Variants in PCOLCE2 observed in about 807,000 individuals in gnomAD.
The protein encoded by PCOLCE2 is procollagen C-endopeptidase enhancer 2.
PCOLCE2 carries 42 observed loss-of-function variants against 47.0 expected under a neutral mutation model. That is an observed-to-expected ratio of 0.89 (90% CI 0.70 to 1.16). The LOEUF is 1.16. PCOLCE2 is among the 50% of genes most tolerant of loss of function. PCOLCE2 has a pLI of 0.00. For synonymous variants in PCOLCE2, 169 were observed against 191.7 expected (o/e 0.88, Z 0.98); for missense variants, 500 against 526.1 (o/e 0.95, Z 0.49).
chr3:142,832,821 C>G (rs931068286), intron 5 of PCOLCE2, among the ~76,000 whole-genome samples: 12 of 152,198 alleles, frequency 7.9e-5, no homozygotes, highest in Non-Finnish European at 1.5e-4. Context: ...CCCAGTGCTC[C>G]TCCTGTTCAT....
chr3:142,846,567 T>C (rs761423743), intron 3 of PCOLCE2: 1 of 152,240 alleles, frequency 6.6e-6, no homozygotes, highest in Non-Finnish European at 1.5e-5. Flanking sequence ...TATCTTTAAA[T>C]ATTTTTTCAC....
chr3:142,872,432 CTCCTGCTTGT>C (rs1448870864), intron 2 of PCOLCE2, among the ~76,000 whole-genome samples: 18 of 152,146 alleles, frequency 1.2e-4, no homozygotes, highest in South Asian at 4.1e-4. Flanking sequence ...CTTCTACAAC[CTCCTGCTTGT>C]TCATCCCATA....
At chr3:142,834,375 C>T (rs1040223721) in intron 5 of PCOLCE2, among the ~76,000 whole-genome samples, 2 of 152,124 alleles carry the variant, frequency 1.3e-5, no homozygotes, top group Admixed American at 6.5e-5. Flanking sequence ...ATTGAGTCTT[C>T]CTATTCATGA....
At chr3:142,849,025 C>T (rs1001671698) in intron 2 of PCOLCE2, among the ~76,000 whole-genome samples, 1 of 151,796 alleles carries the variant, frequency 6.6e-6, no homozygotes, top group Non-Finnish European at 1.5e-5. Flanking sequence ...TGGTGGGGGG[C>T]GCCTGTAGTC....
chr3:142,869,557 T>TA (rs970734560), intron 2 of PCOLCE2, among the ~76,000 whole-genome samples: 1 of 152,120 alleles, frequency 6.6e-6, no homozygotes, highest in African/African-American at 2.4e-5. Context: ...TGAAATCTGA[T>TA]AAAAAACACA....
At chr3:142,865,336 T>C (rs894824946) in intron 2 of PCOLCE2, among the ~76,000 whole-genome samples, 2 of 152,156 alleles carry the variant, frequency 1.3e-5, no homozygotes, top group African/African-American at 4.8e-5. Flanking sequence ...TTTTAAATTG[T>C]CAACCCTAAA....
At chr3:142,873,719 A>C (rs909628137) in intron 2 of PCOLCE2, among the ~76,000 whole-genome samples, 5 of 152,146 alleles carry the variant, frequency 3.3e-5, no homozygotes, top group Non-Finnish European at 5.9e-5. Flanking sequence ...ATAAACCCAA[A>C]CAGCCTGCTG....
chr3:142,849,270 T>C (rs1158163087), intron 2 of PCOLCE2, among the ~76,000 whole-genome samples: 1 of 152,186 alleles, frequency 6.6e-6, no homozygotes, highest in African/African-American at 2.4e-5. Flanking sequence ...GTAGTTAATT[T>C]ACAGATAATT....
At chr3:142,835,226 T>C (rs1248432918) in intron 5 of PCOLCE2, among the ~76,000 whole-genome samples, 6 of 152,124 alleles carry the variant, frequency 3.9e-5, no homozygotes, top group Admixed American at 3.9e-4. Context: ...CTGCCTTTCT[T>C]AATTTTTTAA....
At chr3:142,827,710 A>C in intron 6 of PCOLCE2, 1 of 993,138 alleles carries the variant, frequency 1.0e-6, no homozygotes, top group Non-Finnish European at 1.6e-6. Context: ...GCGCGCTGTG[A>C]CCCGAGTTGT....
chr3:142,843,623 A>G (rs925401850), intron 3 of PCOLCE2, among the ~76,000 whole-genome samples: 7 of 152,168 alleles, frequency 4.6e-5, no homozygotes, highest in Non-Finnish European at 1.0e-4. Flanking sequence ...AGTTTTAGCC[A>G]CCAAAAACTC....
chr3:142,833,660 T>C lies in PCOLCE2; in HGVS notation c.711-3814A>G, dbSNP rs147588146. Among the ~76,000 whole-genome samples the C allele has an allele frequency of 1.3e-4, 20 of 152,304 alleles. No homozygotes were observed. In the East Asian group the frequency reaches 3.9e-3, roughly 29 times the overall value. On this transcript the variant is annotated intron_variant, in intron 5 of 8. Transcript: ENST00000295992. ...ATTGCTGAGAACATTCTTGTATATG[T>C]CTTGCAGTGCAAAAGTGGTCGTACC...
intron 2 of PCOLCE2, chr3:142,864,581 T>C (rs776820163): frequency 1.3e-5 from 2 of 152,270 alleles, no homozygotes; most frequent in Non-Finnish European, 2.9e-5. Context: ...AGAAAATGTA[T>C]GGAGTTGTGC....
chr3:142,883,709 A>AAC (rs1553819153), intron 2 of PCOLCE2, among the ~76,000 whole-genome samples: 21 of 152,094 alleles, frequency 1.4e-4, no homozygotes, highest in Admixed American at 4.6e-4. Context: ...TAAAAAAAAA[A>AAC]AAAACACATA....
At chr3:142,859,716 C>T (rs1933143331) in intron 2 of PCOLCE2, among the ~76,000 whole-genome samples, 1 of 152,102 alleles carries the variant, frequency 6.6e-6, no homozygotes, top group Non-Finnish European at 1.5e-5. Context: ...CAGGCACACG[C>T]CACCACACCT....
chr3:142,859,618 T>C (rs1163630788), intron 2 of PCOLCE2, among the ~76,000 whole-genome samples: 1 of 151,324 alleles, frequency 6.6e-6, no homozygotes. Flanking sequence ...GAGTGTGGAG[T>C]ACAGTGGCGT....
chr3:142,889,039 T>C lies in PCOLCE2; in HGVS notation c.-143A>G. Reference sequence around the variant, plus strand: ...CGCTCGGCTGCCCGCGCGCTCCCTCTCACGCGCGCACCGCCGCGGGGCGGC... The same window carrying C: ...CGCTCGGCTGCCCGCGCGCTCCCTCCCACGCGCGCACCGCCGCGGGGCGGC... On this transcript the variant is annotated 5_prime_UTR_variant, in exon 1 of 9. Transcript: ENST00000295992. The C allele has an allele frequency of 7.4e-6, 3 of 403,250 alleles. No individual in the cohort carries two copies. The East Asian group carries it at 1.1e-4, about 15-fold the overall frequency. The allele number at this position is 403,250 out of a possible 1,614,324, so 25.0% of individuals were successfully genotyped here. A position where few individuals can be genotyped will look rare whatever the true frequency, so the allele number is the denominator to read the frequency against.
Position 142,823,555 on chromosome 3 carries a change from C to T in PCOLCE2, c.926G>A (p.Gly309Asp), listed in dbSNP as rs370858514. 1.7e-5 allele frequency: 27 copies of T among 1,608,598 alleles called. No individual in the cohort carries two copies. The highest frequency in any genetic ancestry group is 2.0e-5 in the Non-Finnish European group (23 of 1,175,524). Reference sequence around the variant, plus strand: ...ACCAAAGTCACTTGAACAATAATTGCCCTCCAGAGTCCCCGTCCGTCTACA... The same window carrying T: ...ACCAAAGTCACTTGAACAATAATTGTCCTCCAGAGTCCCCGTCCGTCTACA... ...QKCRRTGTLEGNYCSSDFVLA... is the reference protein window; with the variant it reads ...QKCRRTGTLEDNYCSSDFVLA... Residue 309 changes from glycine to aspartate, a missense_variant, in exon 7 of 9, where the codon GGC (glycine) becomes GAC (aspartate). Gly to Asp is a moderately conservative substitution (Grantham distance 94). Coordinates refer to ENST00000295992, the MANE Select transcript of PCOLCE2 (RefSeq NM_013363.4).
Position 142,842,528 on chromosome 3 carries a change from G to A in PCOLCE2, c.573+396C>T, listed in dbSNP as rs144229251. ...TAAGGCAGACGGATCTCCTGAGGCCGGGAGTTTGAGACCAGCCTGACCAAC... is the reference window on the plus strand; with the variant it reads ...TAAGGCAGACGGATCTCCTGAGGCCAGGAGTTTGAGACCAGCCTGACCAAC... On this transcript the variant is annotated intron_variant, in intron 4 of 8. Coordinates refer to ENST00000295992, the MANE Select transcript of PCOLCE2 (RefSeq NM_013363.4). This position sits in a 1 kb window ranked among gnomAD's most constrained non-coding sequence, Gnocchi z 4.1. Among the ~76,000 whole-genome samples the A allele has an allele frequency of 7.2e-5, 11 of 152,116 alleles. No individual in the cohort carries two copies. Among genetic ancestry groups the A allele is most frequent in the East Asian group, 1.9e-4 (1 of 5,176 alleles).
Sources: allele counts gnomAD v4.1 joint callset (sites outside exome capture counted in the v4.1 genomes callset), GRCh38; gene constraint gnomAD v4.1.1; non-coding constraint Gnocchi (gnomAD v3.1); transcripts MANE v1.5; gene names NCBI Gene and HGNC (gene_info 2026-07-23, HGNC 2026-07-21).